SPOCK3: variants seen among roughly 807,000 people sequenced by gnomAD.
The protein encoded by SPOCK3 is testican-3.
Under a neutral mutation model 56.6 loss-of-function variants are expected in SPOCK3, and 30 were observed. The observed-to-expected ratio is 0.53, with a 90% CI of 0.40 to 0.72. The LOEUF is 0.72. SPOCK3 is among the 30% of genes least tolerant of loss of function. The pLI is 0.00. For synonymous variants in SPOCK3, 196 were observed against 183.3 expected, an observed-to-expected ratio of 1.07 and a Z score of -0.56; for missense variants, 527 against 530.0, an observed-to-expected ratio of 0.99 and a Z score of 0.06.
chr4:167,165,304 T>A (rs542661496), intron 2 of SPOCK3, among the ~76,000 whole-genome samples: 1 of 152,148 alleles, frequency 6.6e-6, no homozygotes, highest in East Asian at 1.9e-4. Context: ...ATTTTTTCAA[T>A]CTACTCATCT....
At chr4:166,953,852 G>A (rs548507664) in intron 4 of SPOCK3, among the ~76,000 whole-genome samples, 4 of 152,038 alleles carry the variant, frequency 2.6e-5, no homozygotes, top group African/African-American at 7.2e-5. Flanking sequence ...ACCAAACACC[G>A]CATATTCTCA....
intron 4 of SPOCK3, among the ~76,000 whole-genome samples, chr4:166,962,815 G>A (rs1219001040): frequency 1.3e-5 from 2 of 152,026 alleles, no homozygotes; most frequent in Non-Finnish European, 2.9e-5. Flanking sequence ...ATGGGAAATA[G>A]CATGGTGATG....
chr4:166,751,893 T>C (rs1051091930), intron 8 of SPOCK3, among the ~76,000 whole-genome samples: 1 of 152,204 alleles, frequency 6.6e-6, no homozygotes, highest in Admixed American at 6.5e-5. Context: ...TACAACCATG[T>C]TCATTTTGTA....
intron 3 of SPOCK3, among the ~76,000 whole-genome samples, chr4:167,029,308 T>C (rs986745330): frequency 6.6e-6 from 1 of 152,186 alleles, no homozygotes; most frequent in East Asian, 1.9e-4. Flanking sequence ...ATAAAATTAG[T>C]CTCTGACCTT....
rs1387729958 is a variant in SPOCK3, at chr4:167,091,977, C to A, written c.190-29440G>T. 2.0e-5 allele frequency among the ~76,000 whole-genome samples: 3 copies of A among 152,166 alleles called. No individual in the cohort carries two copies. In the East Asian group the frequency reaches 5.8e-4, roughly 29 times the overall value. ...GCCTTGTGAAAATAAGTGCCTGCTC[C>A]TCCTTCCACCAGGGGTTGGCTGGCA... On this transcript the variant is annotated intron_variant, in intron 2 of 10. Transcript: ENST00000357545.
intron 4 of SPOCK3, among the ~76,000 whole-genome samples, chr4:166,936,245 A>G (rs1038148974): frequency 6.6e-6 from 1 of 152,128 alleles, no homozygotes; most frequent in Non-Finnish European, 1.5e-5. Context: ...GAATTTACAT[A>G]TGTATTCATA....
chr4:167,195,513 C>T (rs552644341), intron 2 of SPOCK3, among the ~76,000 whole-genome samples: 73 of 152,304 alleles, frequency 4.8e-4, no homozygotes, highest in Admixed American at 9.8e-4. Context: ...AGGGCATAGA[C>T]AGGCATGTCA....
At position 166,797,406 on chromosome 4, in the gene SPOCK3, C is replaced by G. The variant is rs1293861763; in HGVS notation, c.590-5117G>C. On this transcript the variant is annotated intron_variant, in intron 6 of 10. Transcript: ENST00000357545. ...AACCTGGCTACAAATATGTAAACAA[C>G]AAGAAGAAATTACATAATCTCAAAG... Among the ~76,000 whole-genome samples, 5 of 148,902 alleles carry G rather than the reference C, an allele frequency of 3.4e-5. No individual in the cohort carries two copies. In the Admixed American group the frequency reaches 3.4e-4, roughly 10 times the overall value.
chr4:167,162,957 A>C (rs945843232), intron 2 of SPOCK3, among the ~76,000 whole-genome samples: 2 of 151,902 alleles, frequency 1.3e-5, no homozygotes, highest in African/African-American at 4.8e-5. Context: ...CTGGGTGGTT[A>C]GTTTTTTTAT....
At chr4:166,853,382 G>T (rs547089864) in intron 6 of SPOCK3, among the ~76,000 whole-genome samples, 1 of 152,084 alleles carries the variant, frequency 6.6e-6, no homozygotes, top group African/African-American at 2.4e-5. Context: ...ATTAAGCAGC[G>T]TAAAATTTTT....
At chr4:166,774,040 T>C (rs35692479) in intron 7 of SPOCK3, among the ~76,000 whole-genome samples, 1 of 152,220 alleles carries the variant, frequency 6.6e-6, no homozygotes, top group East Asian at 1.9e-4. Flanking sequence ...CCTTGTAAGG[T>C]ACAAATATAA....
intron 4 of SPOCK3, among the ~76,000 whole-genome samples, chr4:166,948,181 C>A (rs1003687449): frequency 2.0e-5 from 3 of 152,136 alleles, no homozygotes; most frequent in African/African-American, 7.2e-5. Context: ...CCTGTTATTG[C>A]AAATGACAGG....
intron 6 of SPOCK3, among the ~76,000 whole-genome samples, chr4:166,835,423 A>T (rs918223370): frequency 2.0e-5 from 3 of 152,198 alleles, no homozygotes; most frequent in African/African-American, 7.2e-5. Context: ...TATTTTTTTA[A>T]ACATCTGAAG....
intron 7 of SPOCK3, among the ~76,000 whole-genome samples, chr4:166,783,913 A>C (rs1465208291): frequency 6.6e-6 from 1 of 152,122 alleles, no homozygotes; most frequent in South Asian, 2.1e-4. Context: ...TGGTAACATA[A>C]AATTTTCTGT....
chr4:167,231,406 G>A (rs1466439820), intron 2 of SPOCK3, among the ~76,000 whole-genome samples: 4 of 151,864 alleles, frequency 2.6e-5, no homozygotes, highest in East Asian at 1.9e-4. Flanking sequence ...ATATTTTATG[G>A]GAAAAAAGCA....
At chr4:167,226,999 G>A (rs1177806697) in intron 2 of SPOCK3, among the ~76,000 whole-genome samples, 1 of 152,138 alleles carries the variant, frequency 6.6e-6, no homozygotes, top group Non-Finnish European at 1.5e-5. Context: ...TAAAGTATCT[G>A]GATTTACCTA....
At chr4:166,958,754 ATTGTCTG>A (rs1743803836) in intron 4 of SPOCK3, among the ~76,000 whole-genome samples, 2 of 152,178 alleles carry the variant, frequency 1.3e-5, no homozygotes. Flanking sequence ...TTATTTTGCT[ATTGTCTG>A]TCTCCTTCTA....
At chr4:167,040,054 T>C (rs755872377) in intron 3 of SPOCK3, among the ~76,000 whole-genome samples, 6 of 152,216 alleles carry the variant, frequency 3.9e-5, no homozygotes, top group Non-Finnish European at 8.8e-5. Flanking sequence ...TCTAGTATTA[T>C]CTGATTCCAA....
intron 6 of SPOCK3, among the ~76,000 whole-genome samples, chr4:166,829,222 C>G (rs1267197669): frequency 1.3e-5 from 2 of 152,016 alleles, no homozygotes; most frequent in Non-Finnish European, 2.9e-5. Flanking sequence ...TGGCTCGACA[C>G]ATCCAAAATG....
Sources: gnomAD v4.1 joint callset for allele counts (sites outside exome capture counted in the v4.1 genomes callset) on GRCh38, gnomAD v4.1.1 for gene constraint, MANE v1.5 for transcripts, NCBI Gene and HGNC (gene_info 2026-07-23, HGNC 2026-07-21) for gene names.